ECE1: variants seen among roughly 807,000 people sequenced by gnomAD.
ECE1 encodes the protein endothelin-converting enzyme 1.
Under a neutral mutation model 98.6 loss-of-function variants are expected in ECE1, and 35 were observed. The observed-to-expected ratio is 0.35, with a 90% CI of 0.27 to 0.47. The LOEUF is 0.47. Ranked by LOEUF, ECE1 falls within the 20% of genes least tolerant of loss-of-function variation. The probability of loss-of-function intolerance (pLI) is 1.00; values close to 1 mark genes in which losing one functional copy is unlikely to be tolerated. For missense variants in ECE1, 814 were observed against 1,025.3 expected (o/e 0.79, Z 2.81); for synonymous variants, 394 against 407.1 (o/e 0.97, Z 0.39).
At position 21,305,840 on chromosome 1, in the gene ECE1, T is replaced by G. The variant is rs148295478; in HGVS notation, c.4-15684A>C. Among the ~76,000 whole-genome samples the G allele has an allele frequency of 5.6e-4, 86 of 152,270 alleles. 2 individuals are homozygous for G. Among genetic ancestry groups the G allele is most frequent in the African/African-American group, 1.4e-3 (57 of 41,556 alleles). ...GAAAACAGCATCAGACACCCACAAATACCGCTGTGGTCATGGTGGCAGGAC... is the reference window on the plus strand; with the variant it reads ...GAAAACAGCATCAGACACCCACAAAGACCGCTGTGGTCATGGTGGCAGGAC... On this transcript the variant is annotated intron_variant, in intron 1 of 18. Transcript: ENST00000415912.
At chr1:21,255,688 A>G (rs1197464439) in intron 8 of ECE1, among the ~76,000 whole-genome samples, 1 of 152,166 alleles carries the variant, frequency 6.6e-6, no homozygotes, top group African/African-American at 2.4e-5. Flanking sequence ...CCAAGTAAAC[A>G]CTATTAATTA....
At chr1:21,336,730 C>T (rs949938845) in intron 1 of ECE1, among the ~76,000 whole-genome samples, 1 of 152,198 alleles carries the variant, frequency 6.6e-6, no homozygotes, top group African/African-American at 2.4e-5. Flanking sequence ...GTAGTCCCAG[C>T]TACTCAGGAG....
chr1:21,312,743 C>T (rs565073546), intron 1 of ECE1, among the ~76,000 whole-genome samples: 11 of 152,136 alleles, frequency 7.2e-5, no homozygotes, highest in South Asian at 6.2e-4. Flanking sequence ...GGGTCTATAC[C>T]GCCTGTATTC....
intron 10 of ECE1, chr1:21,238,475 A>C: frequency 3.4e-6 from 2 of 591,674 alleles, no homozygotes; most frequent in Non-Finnish European, 6.1e-6. Context: ...CTTCACAAAT[A>C]GTGTCCCGTT....
chr1:21,284,902 C>T (rs756109029), intron 2 of ECE1, among the ~76,000 whole-genome samples: 28 of 152,192 alleles, frequency 1.8e-4, no homozygotes, highest in East Asian at 1.9e-4. Flanking sequence ...CACCTGGGAG[C>T]GCTGGCAGGG....
intron 1 of ECE1, among the ~76,000 whole-genome samples, chr1:21,316,182 C>A (rs1323825358): frequency 6.6e-6 from 1 of 152,234 alleles, no homozygotes; most frequent in East Asian, 1.9e-4. Flanking sequence ...GTTTTTCACC[C>A]TCAGAACAGC....
chr1:21,245,173 G>T, intron 9 of ECE1, 70 bp from the exon 10 acceptor site: 1 of 1,369,456 alleles, frequency 7.3e-7, no homozygotes, highest in Non-Finnish European at 1.0e-6. Flanking sequence ...TTCCCCTGCT[G>T]GCCCCTAGGG....
chr1:21,288,385 C>T (rs796562406), intron 2 of ECE1, among the ~76,000 whole-genome samples: 7 of 152,318 alleles, frequency 4.6e-5, no homozygotes, highest in African/African-American at 1.4e-4. Context: ...ATCCATTTCA[C>T]AGTGAGGCCA....
chr1:21,325,587 C>T (rs1639060598), intron 1 of ECE1, among the ~76,000 whole-genome samples: 1 of 152,256 alleles, frequency 6.6e-6, no homozygotes, highest in Admixed American at 6.5e-5. Flanking sequence ...AAAACAGAGT[C>T]AGGAGTTGTG....
At chr1:21,259,028 G>C (rs1309210327) in intron 5 of ECE1, among the ~76,000 whole-genome samples, 189 bp from the exon 6 acceptor site, 1 of 152,118 alleles carries the variant, frequency 6.6e-6, no homozygotes, top group Non-Finnish European at 1.5e-5. Flanking sequence ...CCCATGGATG[G>C]AGCAAAGGCT....
chr1:21,276,026 CT>C (rs532213567), intron 3 of ECE1, among the ~76,000 whole-genome samples: 1,609 of 91,264 alleles, frequency 0.018, 4 homozygotes, highest in African/African-American at 0.04. Flanking sequence ...TTAATACGTG[CT>C]TTTTTTTTTT....
At chr1:21,234,667 T>C (rs569818041) in intron 13 of ECE1, among the ~76,000 whole-genome samples, 38 of 152,244 alleles carry the variant, frequency 2.5e-4, no homozygotes, top group African/African-American at 7.7e-4. Flanking sequence ...TTTGTAGAGA[T>C]GAGGTCTCAC....
chr1:21,338,318 G>A (rs1475299528), intron 1 of ECE1, among the ~76,000 whole-genome samples: 3 of 152,160 alleles, frequency 2.0e-5, no homozygotes, highest in East Asian at 1.9e-4. Flanking sequence ...TCAGAGAATC[G>A]CAAAATGTTT....
Position 21,307,532 on chromosome 1 carries a change from G to C in ECE1, c.4-17376C>G, listed in dbSNP as rs1204741399. 6.6e-6 allele frequency among the ~76,000 whole-genome samples: 1 copy of C among 152,176 alleles called. No homozygotes were observed. Among genetic ancestry groups the C allele is most frequent in the East Asian group, 1.9e-4 (1 of 5,194 alleles). ...TTCATAAAAAGCAAGTTTTAAACATGATCACTACAGTCATTGATGTGAGGA... is the reference window on the plus strand; with the variant it reads ...TTCATAAAAAGCAAGTTTTAAACATCATCACTACAGTCATTGATGTGAGGA... On this transcript the variant is annotated intron_variant, in intron 1 of 18. Transcript: ENST00000415912. The surrounding 1 kb of genome is among the most constrained non-coding windows in gnomAD (Gnocchi z 4.2).
chr1:21,290,179 G>C lies in ECE1; in HGVS notation c.52-23C>G. On this transcript the variant is annotated intron_variant, in intron 1 of 18. Coordinates refer to ENST00000374893, the MANE Select transcript of ECE1 (RefSeq NM_001397.3). The surrounding 1 kb of genome is among the most constrained non-coding windows in gnomAD (Gnocchi z 7.3). ...CATCTGCAAGGCCAAATGCAGCACGGACTCCCTCAGCGCCTCCATGGCTCT... is the reference window on the plus strand; with the variant it reads ...CATCTGCAAGGCCAAATGCAGCACGCACTCCCTCAGCGCCTCCATGGCTCT... 2 of 1,535,772 alleles carry C rather than the reference G, an allele frequency of 1.3e-6. No individual in the cohort carries two copies. Among genetic ancestry groups the C allele is most frequent in the Non-Finnish European group, 1.7e-6 (2 of 1,143,762 alleles).
intron 1 of ECE1, among the ~76,000 whole-genome samples, chr1:21,312,316 T>C (rs1638744033): frequency 6.6e-6 from 1 of 150,938 alleles, no homozygotes; most frequent in Admixed American, 6.6e-5. Context: ...GGGGCACCTG[T>C]AGTCCCAGCT....
At chr1:21,298,441 C>G (rs1299803413) in intron 1 of ECE1, 2 of 307,896 alleles carry the variant, frequency 6.5e-6, no homozygotes, top group Admixed American at 7.9e-5. Flanking sequence ...CATTTCACTT[C>G]AATTTTATGC....
At chr1:21,229,736 A>G (rs1237721957) in intron 14 of ECE1, among the ~76,000 whole-genome samples, 1 of 152,222 alleles carries the variant, frequency 6.6e-6, no homozygotes, top group Admixed American at 6.5e-5. Flanking sequence ...TATTGGAAGT[A>G]TAACCATTTG....
chr1:21,330,352 C>T (rs1220760905), intron 1 of ECE1, among the ~76,000 whole-genome samples: 1 of 150,684 alleles, frequency 6.6e-6, no homozygotes, highest in East Asian at 2.0e-4. Flanking sequence ...TCTCAGCCTC[C>T]TGAGTAGCTG....
Sources: allele counts gnomAD v4.1 joint callset (sites outside exome capture counted in the v4.1 genomes callset), GRCh38; gene constraint gnomAD v4.1.1; non-coding constraint Gnocchi (gnomAD v3.1); transcripts MANE v1.5; gene names NCBI Gene and HGNC (gene_info 2026-07-23, HGNC 2026-07-21).